Variants in ZC2HC1B observed in about 807,000 individuals in gnomAD.
The protein encoded by ZC2HC1B is zinc finger C2HC-type containing 1B.
Under a neutral mutation model 31.0 loss-of-function variants are expected in ZC2HC1B, and 36 were observed. The observed-to-expected ratio is 1.16, with a 90% CI of 0.89 to 1.54. ZC2HC1B has a LOEUF of 1.54. Among genes scored for constraint, ZC2HC1B ranks in the 40% most tolerant of loss-of-function variants. ZC2HC1B has a pLI of 0.00. For synonymous variants in ZC2HC1B, 73 were observed against 88.0 expected (o/e 0.83, Z 0.95); for missense variants, 260 against 268.6 (o/e 0.97, Z 0.22).
intron 6 of ZC2HC1B, among the ~76,000 whole-genome samples, chr6:143,910,966 T>A (rs1480214066): frequency 6.6e-6 from 1 of 152,288 alleles, no homozygotes; most frequent in East Asian, 1.9e-4. Flanking sequence ...TTGGCCAGGG[T>A]AGTCTCAAAC....
chr6:143,902,950 T>C, intron 5 of ZC2HC1B, 94 bp from the exon 6 acceptor site: 2 of 1,147,760 alleles, frequency 1.7e-6, no homozygotes, highest in Non-Finnish European at 2.5e-6. Flanking sequence ...ACCATTCTGC[T>C]GCTGGTTAAG....
chr6:143,875,360 CCTTCTTCT>C (rs1777393452), intron 1 of ZC2HC1B, among the ~76,000 whole-genome samples: 2 of 136,966 alleles, frequency 1.5e-5, no homozygotes, highest in Non-Finnish European at 3.3e-5. Flanking sequence ...CCTTTGGATC[CCTTCTTCT>C]ACATTAAACC....
At position 143,865,437 on chromosome 6, in the gene ZC2HC1B, A is replaced by C. The variant is rs536272335; in HGVS notation, c.28+870A>C. ...TTCCTCATGGTTGGTGCTCAGCTGTAACCTTCACTATAGGCTATTCCCTGA... is the reference window on the plus strand; with the variant it reads ...TTCCTCATGGTTGGTGCTCAGCTGTCACCTTCACTATAGGCTATTCCCTGA... On this transcript the variant is annotated intron_variant, in intron 1 of 7. Coordinates refer to ENST00000237275, the MANE Select transcript of ZC2HC1B (RefSeq NM_001013623.3). This position sits in a 1 kb window ranked among gnomAD's most constrained non-coding sequence, Gnocchi z 4.4. Among the ~76,000 whole-genome samples the C allele has an allele frequency of 2.0e-5, 3 of 152,310 alleles. No individual in the cohort carries two copies. In the East Asian group the frequency reaches 5.8e-4, roughly 29 times the overall value.
Position 143,886,682 on chromosome 6 carries a change from G to A in ZC2HC1B, c.211-1G>A. 1 of 1,534,588 alleles carries A rather than the reference G, an allele frequency of 6.5e-7. No individual in the cohort carries two copies. Among genetic ancestry groups the A allele is most frequent in the Non-Finnish European group, 8.8e-7 (1 of 1,139,766 alleles). On this transcript the variant is annotated splice_acceptor_variant, in intron 3 of 7. Coordinates refer to ENST00000237275, the MANE Select transcript of ZC2HC1B (RefSeq NM_001013623.3). LOFTEE classifies it high-confidence loss of function. This position sits in a 1 kb window ranked among gnomAD's most constrained non-coding sequence, Gnocchi z 4.2. ...TTATTTGTTGGTTTTATTTTTTACA[G>A]TCTCCACCTGTGAGGAAGTCTAACT...
rs201448202 is a variant in ZC2HC1B at position 143,887,152 on chromosome 6, A to AT, written c.349+341dup. The stretch of plus-strand genomic sequence containing the variant: ...CCCATCGTGTCAGATACCCACAGCA[A>AT]TTTTTTTTTTCCAGGTAAAATTCCC... On this transcript the variant is annotated intron_variant, in intron 4 of 7. Transcript: ENST00000237275. This position sits in a 1 kb window ranked among gnomAD's most constrained non-coding sequence, Gnocchi z 5.1. Among the ~76,000 whole-genome samples the AT allele has an allele frequency of 1.7e-4, 25 of 150,490 alleles. No homozygotes were observed. The highest frequency in any genetic ancestry group is 5.4e-4 in the African/African-American group (22 of 41,068).
chr6:143,928,202 A>G (rs1460709353), intron 6 of ZC2HC1B, among the ~76,000 whole-genome samples: 1 of 152,202 alleles, frequency 6.6e-6, no homozygotes, highest in Non-Finnish European at 1.5e-5. Flanking sequence ...GTGTAGGCCA[A>G]TGTCCAGAAG....
chr6:143,904,010 AG>A (rs1335879006), intron 6 of ZC2HC1B, among the ~76,000 whole-genome samples: 1 of 152,238 alleles, frequency 6.6e-6, no homozygotes, highest in Admixed American at 6.5e-5. Flanking sequence ...AGTAGCAACA[AG>A]GCAGAACCAT....
In ZC2HC1B at chr6:143,872,250, A is replaced by G. The variant is rs1777349705; in HGVS notation, c.28+7683A>G. Among the ~76,000 whole-genome samples the G allele has an allele frequency of 6.6e-6, 1 of 152,200 alleles. No individual in the cohort carries two copies. Among genetic ancestry groups the G allele is most frequent in the Non-Finnish European group, 1.5e-5 (1 of 68,042 alleles). ...GCTCAAGTCTGGAAATTAAGGGGCC[A>G]TGATTCTCTGTTTTTATAATTCAGA... On this transcript the variant is annotated intron_variant, in intron 1 of 7. Coordinates refer to ENST00000237275, the MANE Select transcript of ZC2HC1B (RefSeq NM_001013623.3). The surrounding 1 kb of genome is among the most constrained non-coding windows in gnomAD (Gnocchi z 5.5).
intron 6 of ZC2HC1B, among the ~76,000 whole-genome samples, chr6:143,914,370 T>C (rs1777892931): frequency 6.6e-6 from 1 of 152,236 alleles, no homozygotes; most frequent in Non-Finnish European, 1.5e-5. Flanking sequence ...TGTTGTTTAA[T>C]TTCCACAAAT....
chr6:143,877,462 T>C (rs1231731168), intron 1 of ZC2HC1B, among the ~76,000 whole-genome samples: 1 of 149,332 alleles, frequency 6.7e-6, no homozygotes, highest in African/African-American at 2.5e-5. Flanking sequence ...TTTGTATTTT[T>C]AGTAGAGACA....
rs1006429548 is a variant in ZC2HC1B, at chr6:143,871,964, C to T, written c.28+7397C>T. 3.9e-5 allele frequency among the ~76,000 whole-genome samples: 6 copies of T among 152,226 alleles called. No individual in the cohort carries two copies. Among genetic ancestry groups the T allele is most frequent in the East Asian group, 3.9e-4 (2 of 5,176 alleles). On this transcript the variant is annotated intron_variant, in intron 1 of 7. Coordinates refer to ENST00000237275, the MANE Select transcript of ZC2HC1B (RefSeq NM_001013623.3). This position sits in a 1 kb window ranked among gnomAD's most constrained non-coding sequence, Gnocchi z 4.1. Reference sequence around the variant, plus strand: ...CATTATTACCTGACCTCCATAAGCCCGTACGTTAACTGGAGGACCATAATG... The same window carrying T: ...CATTATTACCTGACCTCCATAAGCCTGTACGTTAACTGGAGGACCATAATG...
rs9496816 is a variant in ZC2HC1B, at chr6:143,922,091, C to T, written c.599-15558C>T. Among the ~76,000 whole-genome samples, 4 of 152,274 alleles carry T rather than the reference C, an allele frequency of 2.6e-5. No homozygotes were observed. Among genetic ancestry groups the T allele is most frequent in the South Asian group, 2.1e-4 (1 of 4,828 alleles). On this transcript the variant is annotated intron_variant, in intron 6 of 7. Transcript: ENST00000237275. This position sits in a 1 kb window ranked among gnomAD's most constrained non-coding sequence, Gnocchi z 5.0. ...TTGGAGAAAAGTACCAAATGCCTTT[C>T]GTTGATACAAACAAGCCCATGCATT...
rs544754705 is a variant in ZC2HC1B at position 143,905,941 on chromosome 6, T to C, written c.598+2789T>C. Among the ~76,000 whole-genome samples the C allele has an allele frequency of 1.3e-5, 2 of 152,320 alleles. No homozygotes were observed. Among genetic ancestry groups the C allele is most frequent in the South Asian group, 4.1e-4 (2 of 4,832 alleles). Reference sequence around the variant, plus strand: ...GTGTATAATCCTTTTAACATGCTACTGAACTTGATTTGTTAGTATTTTATT... The same window carrying C: ...GTGTATAATCCTTTTAACATGCTACCGAACTTGATTTGTTAGTATTTTATT... On this transcript the variant is annotated intron_variant, in intron 6 of 7. Coordinates refer to ENST00000237275, the MANE Select transcript of ZC2HC1B (RefSeq NM_001013623.3). The surrounding 1 kb of genome is among the most constrained non-coding windows in gnomAD (Gnocchi z 4.2).
intron 5 of ZC2HC1B, among the ~76,000 whole-genome samples, chr6:143,901,742 C>G (rs573644364): frequency 2.6e-5 from 4 of 152,158 alleles, no homozygotes; most frequent in African/African-American, 2.4e-5. Context: ...CCTTTCCTCT[C>G]TCTACATTAC....
At position 143,865,415 on chromosome 6, in the gene ZC2HC1B, C is replaced by G. The variant is rs1777245727; in HGVS notation, c.28+848C>G. On this transcript the variant is annotated intron_variant, in intron 1 of 7. Coordinates refer to ENST00000237275, the MANE Select transcript of ZC2HC1B (RefSeq NM_001013623.3). The surrounding 1 kb of genome is among the most constrained non-coding windows in gnomAD (Gnocchi z 4.4). Reference sequence around the variant, plus strand: ...GTGCTTTCACTGCAGACAGACCTTCCTCATGGTTGGTGCTCAGCTGTAACC... The same window carrying G: ...GTGCTTTCACTGCAGACAGACCTTCGTCATGGTTGGTGCTCAGCTGTAACC... 6.6e-6 allele frequency among the ~76,000 whole-genome samples: 1 copy of G among 152,176 alleles called. No homozygotes were observed. Among genetic ancestry groups the G allele is most frequent in the Non-Finnish European group, 1.5e-5 (1 of 68,030 alleles).
In ZC2HC1B at chr6:143,917,134, A is replaced by G. The variant is rs891659702; in HGVS notation, c.598+13982A>G. The stretch of plus-strand genomic sequence containing the variant: ...CTGTGCTATTCTCGTGATAGTGAGT[A>G]AGTCTCATGAGATCTGACGACTTTA... On this transcript the variant is annotated intron_variant, in intron 6 of 7. Transcript: ENST00000237275. This position sits in a 1 kb window ranked among gnomAD's most constrained non-coding sequence, Gnocchi z 4.1. 1.1e-4 allele frequency among the ~76,000 whole-genome samples: 17 copies of G among 152,208 alleles called. No individual in the cohort carries two copies. The highest frequency in any genetic ancestry group is 7.2e-4 in the Admixed American group (11 of 15,284).
intron 4 of ZC2HC1B, among the ~76,000 whole-genome samples, chr6:143,891,806 A>G (rs1439600451): frequency 6.6e-6 from 1 of 152,218 alleles, no homozygotes; most frequent in Non-Finnish European, 1.5e-5. Context: ...TAAAAAGCAC[A>G]AAATTGGAGT....
chr6:143,893,309 A>C (rs1278155323), intron 4 of ZC2HC1B, among the ~76,000 whole-genome samples: 1 of 152,214 alleles, frequency 6.6e-6, no homozygotes, highest in Non-Finnish European at 1.5e-5. Context: ...CAACACTTGT[A>C]ATCTCAGCAC....
chr6:143,872,695 G>A lies in ZC2HC1B; in HGVS notation c.28+8128G>A, dbSNP rs182175905. Among the ~76,000 whole-genome samples, 495 of 152,248 alleles carry A rather than the reference G, an allele frequency of 3.3e-3. 5 individuals are homozygous for A. The highest frequency in any genetic ancestry group is 0.011 in the African/African-American group (475 of 41,542). ...GGCAAAAGGCACTACTTACATGGTG[G>A]CAGCAAGAGAAAATGAGGAAAAAGC... is the stretch of plus-strand genomic sequence containing the variant. On this transcript the variant is annotated intron_variant, in intron 1 of 7. Coordinates refer to ENST00000237275, the MANE Select transcript of ZC2HC1B (RefSeq NM_001013623.3). This position sits in a 1 kb window ranked among gnomAD's most constrained non-coding sequence, Gnocchi z 5.5.
Sources: gnomAD v4.1 joint callset for allele counts (sites outside exome capture counted in the v4.1 genomes callset) on GRCh38, gnomAD v4.1.1 for gene constraint, Gnocchi (gnomAD v3.1) non-coding constraint, MANE v1.5 for transcripts, NCBI Gene and HGNC (gene_info 2026-07-23, HGNC 2026-07-21) for gene names.